Variants in MYO15B observed in about 807,000 individuals in gnomAD.
MYO15B encodes the protein myosin XVB.
Under a neutral mutation model 119.3 loss-of-function variants are expected in MYO15B, and 207 were observed. The observed-to-expected ratio is 1.73, with a 90% CI of 1.55 to 1.95. The LOEUF is 1.95. MYO15B is among the 30% of genes most tolerant of loss of function. The probability of loss-of-function intolerance (pLI) is 0.00; values close to 1 mark genes in which losing one functional copy is unlikely to be tolerated. For synonymous variants in MYO15B, 966 were observed against 498.9 expected (o/e 1.94, Z -12.48); for missense variants, 2,264 against 1,203.1 (o/e 1.88, Z -13.04).
At chr17:75,621,863 C>T in intron 52 of MYO15B, 141 bp from the exon 53 acceptor site, 1 of 624,056 alleles carries the variant, frequency 1.6e-6, no homozygotes, top group Non-Finnish European at 2.9e-6. Context: ...CGAGCTGCAA[C>T]CAGCTGCCCT....
Position 75,616,409 on chromosome 17 carries a change from GGA to G in MYO15B, c.6209_6210del (p.Glu2070GlyfsTer37). 1.6e-6 allele frequency: 1 copy of G among 625,142 alleles called. No homozygotes were observed. Among genetic ancestry groups the G allele is most frequent in the Non-Finnish European group, 2.9e-6 (1 of 350,082 alleles). The allele number at this position is 625,142 out of a possible 1,614,324, so 38.7% of individuals were successfully genotyped here. On this transcript the variant is annotated frameshift_variant, in exon 38 of 64. Transcript: ENST00000645453. LOFTEE classifies it high-confidence loss of function. ...AGGAGGAGGAGGAGGAGGAGGAGGA[GGA>G]GGAGCAGGAGGAGCAAGAAGTGGAA...
chr17:75,588,704 C>G (rs902055941), exon 1 of MYO15B: 2 of 399,336 alleles, frequency 5.0e-6, no homozygotes, highest in Non-Finnish European at 8.9e-6. Flanking sequence ...TGGCCCCACG[C>G]AGATACCCGG....
Position 75,589,762 on chromosome 17 carries a change from G to T in MYO15B, c.1705G>T (p.Ala569Ser), listed in dbSNP as rs1208332096. 5 of 398,562 alleles carry T rather than the reference G, an allele frequency of 1.3e-5. No homozygotes were observed. Among genetic ancestry groups the T allele is most frequent in the Non-Finnish European group, 2.2e-5 (5 of 226,052 alleles). 24.7% of individuals were successfully genotyped at this position (398,562 alleles called of 1,614,324 possible). The stretch of plus-strand genomic sequence containing the variant: ...CAGCTCTGAAGAAGCGTCCGCAGAT[G>T]CCCCCACGGGGGAAGGCCGAGGTTG... Residue 569 changes from alanine to serine, a missense_variant, in exon 1 of 64, where the codon GCC becomes TCC. By Grantham distance (99) the Ala-to-Ser change is moderately conservative (BLOSUM62 1). Transcript: ENST00000645453. This position sits in a 1 kb window ranked among gnomAD's most constrained non-coding sequence, Gnocchi z 4.2.
At position 75,625,113 on chromosome 17, in the gene MYO15B, C is replaced by T; in HGVS notation, c.8689-10C>T. On this transcript the variant is annotated splice_polypyrimidine_tract_variant and intron_variant, in intron 59 of 63. Transcript: ENST00000645453. ...CCACCGCTGCCCTCCTCACCGTGCT[C>T]CCCGCACAGGTGCTGTGGGACTACC... 2 of 689,342 alleles carry T rather than the reference C, an allele frequency of 2.9e-6. No homozygotes were observed. The highest frequency in any genetic ancestry group is 2.7e-5 in the East Asian group (1 of 37,036). The allele number at this position is 689,342 out of a possible 1,614,324, so 42.7% of individuals were successfully genotyped here. A position where few individuals can be genotyped will look rare whatever the true frequency, so the allele number is the denominator to read the frequency against.
chr17:75,591,838 T>A lies in MYO15B; in HGVS notation c.2547+126T>A. ...CCAGGAGAGGGGTGGTCTCCAGGCC[T>A]CTGGCGTCTCCTGGGGTCAGCTGCA... is the stretch of plus-strand genomic sequence containing the variant. On this transcript the variant is annotated intron_variant, in intron 5 of 63. Transcript: ENST00000645453. The A allele has an allele frequency of 3.0e-6, 2 of 673,034 alleles. 1 individual carries two copies. Among genetic ancestry groups the A allele is most frequent in the South Asian group, 3.2e-5 (2 of 62,960 alleles). 41.7% of individuals were successfully genotyped at this position (673,034 alleles called of 1,614,324 possible). A position where few individuals can be genotyped will look rare whatever the true frequency, so the allele number is the denominator to read the frequency against.
intron 9 of MYO15B, among the ~76,000 whole-genome samples, chr17:75,593,415 T>C (rs1475091588): frequency 3.3e-5 from 5 of 151,982 alleles, no homozygotes; most frequent in African/African-American, 1.2e-4. Context: ...CTGGCCAACA[T>C]GCTGAAACCC....
chr17:75,591,233 T>C (rs989988827), exon 4 of MYO15B: 1 of 702,626 alleles, frequency 1.4e-6, no homozygotes. Context: ...GCAGGACCCA[T>C]GCATCCTCCT....
At chr17:75,595,938 A>C (rs820257) in intron 12 of MYO15B, among the ~76,000 whole-genome samples, 12,714 of 152,200 alleles carry the variant, frequency 0.084, 1,210 homozygotes, top group African/African-American at 0.23. Context: ...CTGTCCCACA[A>C]TCCAGTGTGT....
At chr17:75,618,648 C>G (rs578227693) in intron 43 of MYO15B, among the ~76,000 whole-genome samples, 1 of 152,294 alleles carries the variant, frequency 6.6e-6, no homozygotes, top group South Asian at 2.1e-4. Context: ...GACTGTGTCT[C>G]AACAACAACA....
At chr17:75,618,030 C>A in intron 42 of MYO15B, 96 bp from the exon 43 acceptor site, 1 of 691,190 alleles carries the variant, frequency 1.4e-6, no homozygotes, top group East Asian at 2.7e-5. Flanking sequence ...CACAGCCCAC[C>A]ATCTCAAGGC....
rs1481870406 is a variant in MYO15B, at chr17:75,626,071, C to T, written c.9073-17C>T. 2 of 701,838 alleles carry T rather than the reference C, an allele frequency of 2.8e-6. No homozygotes were observed. The highest frequency in any genetic ancestry group is 5.2e-6 in the Non-Finnish European group (2 of 384,432). The allele number at this position is 701,838 out of a possible 1,614,324, so 43.5% of individuals were successfully genotyped here. A position where few individuals can be genotyped will look rare whatever the true frequency, so the allele number is the denominator to read the frequency against. ...CTCCCCGGAGAGGAGACCAGCCCTGCTCTCTGCTGCCCCCAGAGCCTGTAC... is the reference window on the plus strand; with the variant it reads ...CTCCCCGGAGAGGAGACCAGCCCTGTTCTCTGCTGCCCCCAGAGCCTGTAC... On this transcript the variant is annotated splice_polypyrimidine_tract_variant and intron_variant, in intron 62 of 63. Transcript: ENST00000645453.
rs1214658576 is a variant in MYO15B at position 75,614,939 on chromosome 17, C to A, written c.5560-22C>A. ...ATTTTTCTCAGGGCTCTCACTCTGA[C>A]CTGTGACCATTGTCCCTTTAGGATC... On this transcript the variant is annotated intron_variant, in intron 32 of 63. Coordinates refer to ENST00000645453, the Ensembl canonical transcript of MYO15B. 3 of 702,936 alleles carry A rather than the reference C, an allele frequency of 4.3e-6. No homozygotes were observed. In the African/African-American group the frequency reaches 5.2e-5, roughly 12 times the overall value. 43.5% of individuals were successfully genotyped at this position (702,936 alleles called of 1,614,324 possible). A position where few individuals can be genotyped will look rare whatever the true frequency, so the allele number is the denominator to read the frequency against.
At chr17:75,588,564 G>A (rs962494840) in exon 1 of MYO15B, 1 of 398,926 alleles carries the variant, frequency 2.5e-6, no homozygotes, top group Admixed American at 4.4e-5. Flanking sequence ...AGGCCCAGGA[G>A]AGCGGCAGCC....
At chr17:75,621,727 T>A (rs573528492) in intron 52 of MYO15B, 157 bp downstream of exon 52, 1 of 605,242 alleles carries the variant, frequency 1.7e-6, no homozygotes, top group Admixed American at 2.8e-5. Flanking sequence ...CCTCACCCGC[T>A]TCTACTCCCA....
chr17:75,593,621 A>AC (rs530967503), intron 9 of MYO15B, among the ~76,000 whole-genome samples: 32 of 151,272 alleles, frequency 2.1e-4, no homozygotes, highest in African/African-American at 7.1e-4. Context: ...CTCAGAAAAA[A>AC]AAAAAAAAAC....
At chr17:75,623,628 A>C (rs2058832221) in intron 53 of MYO15B, among the ~76,000 whole-genome samples, 153 bp from the exon 54 acceptor site, 1 of 152,192 alleles carries the variant, frequency 6.6e-6, no homozygotes, top group Non-Finnish European at 1.5e-5. Context: ...GCAGCGAAGA[A>C]AGTAACTGAG....
chr17:75,617,792 C>T lies in MYO15B; in HGVS notation c.6815-18C>T, dbSNP rs1296535861. The T allele has an allele frequency of 2.9e-6, 2 of 697,280 alleles. No homozygotes were observed. The highest frequency in any genetic ancestry group is 5.2e-6 in the Non-Finnish European group (2 of 381,142). The allele number at this position is 697,280 out of a possible 1,614,324, so 43.2% of individuals were successfully genotyped here. A position where few individuals can be genotyped will look rare whatever the true frequency, so the allele number is the denominator to read the frequency against. On this transcript the variant is annotated intron_variant, in intron 41 of 63. Transcript: ENST00000645453. The stretch of plus-strand genomic sequence containing the variant: ...TGCAGCCCCTCACTGAGGCTCCTCA[C>T]CCCCTCCTCTCTGCCAGGCTTGACA...
chr17:75,617,108 G>T, exon 41 of MYO15B: 1 of 676,192 alleles, frequency 1.5e-6, no homozygotes, highest in Non-Finnish European at 2.7e-6. Flanking sequence ...GCCCAGGAAA[G>T]GGCCCCCCGC....
chr17:75,599,634 C>T (rs1308182915), intron 14 of MYO15B, among the ~76,000 whole-genome samples: 2 of 151,522 alleles, frequency 1.3e-5, no homozygotes, highest in Admixed American at 6.6e-5. Context: ...AGGCCGGGCG[C>T]GGTGGCTCAT....
Sources: allele counts gnomAD v4.1 joint callset (sites outside exome capture counted in the v4.1 genomes callset), GRCh38; gene constraint gnomAD v4.1.1; non-coding constraint Gnocchi (gnomAD v3.1); transcripts MANE v1.5; gene names NCBI Gene and HGNC (gene_info 2026-07-23, HGNC 2026-07-21).